Variants in ECT2L observed in about 807,000 individuals in gnomAD.
The protein encoded by ECT2L is epithelial cell transforming 2 like, also known as epithelial cell-transforming sequence 2 oncogene-like.
A neutral mutation model predicts 122.8 loss-of-function variants in ECT2L; 126 were observed. That is an observed-to-expected ratio of 1.03 (90% CI 0.89 to 1.19). The LOEUF (loss-of-function observed/expected upper bound fraction) is 1.19, where lower values mean the gene tolerates loss of function less well. ECT2L is among the 50% of genes most tolerant of loss of function. The probability of loss-of-function intolerance (pLI) is 0.00; values close to 1 mark genes in which losing one functional copy is unlikely to be tolerated. For missense variants in ECT2L, 1,012 were observed against 1,064.1 expected (o/e 0.95, Z 0.68); for synonymous variants, 385 against 381.8 (o/e 1.01, Z -0.10).
At chr6:138,887,212 T>C (rs1778857053) in intron 19 of ECT2L, among the ~76,000 whole-genome samples, 1 of 99,524 alleles carries the variant, frequency 1.0e-5, no homozygotes, top group South Asian at 2.5e-4. Flanking sequence ...TGTGTTCTAC[T>C]TGTTTTCTTT....
chr6:138,864,657 T>C (rs1039757097), intron 11 of ECT2L, among the ~76,000 whole-genome samples: 1 of 152,226 alleles, frequency 6.6e-6, no homozygotes, highest in Admixed American at 6.5e-5. Context: ...TTTTCACTTT[T>C]AGACTGGAAA....
intron 4 of ECT2L, among the ~76,000 whole-genome samples, chr6:138,828,010 G>A (rs1247372186): frequency 6.6e-6 from 1 of 151,778 alleles, no homozygotes; most frequent in Non-Finnish European, 1.5e-5. Flanking sequence ...GTATACATGC[G>A]CCATGTTGGT....
At chr6:138,842,195 A>T (rs1036166140) in intron 5 of ECT2L, among the ~76,000 whole-genome samples, 6 of 152,226 alleles carry the variant, frequency 3.9e-5, no homozygotes. Flanking sequence ...GCAGTGGCTT[A>T]CACCTGTAAT....
chr6:138,817,396 G>A (rs1776106029), intron 4 of ECT2L, among the ~76,000 whole-genome samples: 1 of 152,038 alleles, frequency 6.6e-6, no homozygotes, highest in South Asian at 2.1e-4. Context: ...CCCAATAACT[G>A]TAAATAAATT....
chr6:138,853,490 T>C (rs1777516122), intron 9 of ECT2L, among the ~76,000 whole-genome samples: 1 of 152,158 alleles, frequency 6.6e-6, no homozygotes, highest in Non-Finnish European at 1.5e-5. Context: ...TGTTTTCATT[T>C]CATCACCGGA....
intron 10 of ECT2L, among the ~76,000 whole-genome samples, chr6:138,857,609 C>T (rs1028958352): frequency 2.6e-5 from 4 of 152,162 alleles, no homozygotes; most frequent in East Asian, 1.9e-4. Context: ...TGCAGAGGAA[C>T]GCCCCTTCTT....
intron 13 of ECT2L, among the ~76,000 whole-genome samples, chr6:138,873,828 C>T (rs1778340730): frequency 6.6e-6 from 1 of 151,130 alleles, no homozygotes; most frequent in Non-Finnish European, 1.5e-5. Flanking sequence ...AACAAACCCT[C>T]CCAGAGAGGC....
intron 10 of ECT2L, among the ~76,000 whole-genome samples, chr6:138,861,503 T>C (rs1777830616): frequency 6.6e-6 from 1 of 152,228 alleles, no homozygotes; most frequent in South Asian, 2.1e-4. Flanking sequence ...TTTTTTCATG[T>C]GTTTGACGGC....
chr6:138,842,229 C>T (rs138306920), intron 5 of ECT2L, among the ~76,000 whole-genome samples: 149 of 149,686 alleles, frequency 1.0e-3, no homozygotes, highest in African/African-American at 3.3e-3. Context: ...GAGGCTGAAG[C>T]GGGAGGATCA....
At chr6:138,829,642 A>G (rs1776580489) in intron 4 of ECT2L, among the ~76,000 whole-genome samples, 1 of 152,222 alleles carries the variant, frequency 6.6e-6, no homozygotes. Context: ...GAAATCAGTT[A>G]AAAATAATTT....
At chr6:138,826,631 C>A (rs112200516) in intron 4 of ECT2L, among the ~76,000 whole-genome samples, 1 of 152,080 alleles carries the variant, frequency 6.6e-6, no homozygotes, top group South Asian at 2.1e-4. Flanking sequence ...TGCATTATAG[C>A]ACTCCAGCCT....
intron 4 of ECT2L, among the ~76,000 whole-genome samples, chr6:138,830,325 C>A (rs916160535): frequency 1.3e-5 from 2 of 152,156 alleles, no homozygotes; most frequent in Non-Finnish European, 2.9e-5. Flanking sequence ...AATCTTAGGC[C>A]TTGTGGGCCC....
rs546774611 is a variant in ECT2L at position 138,900,534 on chromosome 6, C to T, written c.2415-414C>T. ...TGCTAGGATTACAGGCGTGAGCCACCGCGCCCAGCCTTGTTATCCTTAAAG... is the reference window on the plus strand; with the variant it reads ...TGCTAGGATTACAGGCGTGAGCCACTGCGCCCAGCCTTGTTATCCTTAAAG... On this transcript the variant is annotated intron_variant, in intron 20 of 21. Transcript: ENST00000541398. Among the ~76,000 whole-genome samples, 28 of 152,270 alleles carry T rather than the reference C, an allele frequency of 1.8e-4. No homozygotes were observed. In the East Asian group the frequency reaches 5.4e-3, roughly 29 times the overall value.
chr6:138,813,004 T>C (rs1296323716), intron 2 of ECT2L, 27 bp downstream of exon 2: 1 of 321,952 alleles, frequency 3.1e-6, no homozygotes, highest in Admixed American at 4.7e-5. Context: ...TGCAATGATT[T>C]GAAGTTAATG....
chr6:138,840,145 G>C (rs1776986254), intron 5 of ECT2L, among the ~76,000 whole-genome samples: 1 of 151,942 alleles, frequency 6.6e-6, no homozygotes, highest in Non-Finnish European at 1.5e-5. Context: ...ACTATTAAGT[G>C]GAAATGGATC....
At chr6:138,893,678 T>C (rs1424276418) in intron 20 of ECT2L, among the ~76,000 whole-genome samples, 1 of 152,150 alleles carries the variant, frequency 6.6e-6, no homozygotes, top group Non-Finnish European at 1.5e-5. Context: ...TGCCTTGGCC[T>C]CCCGAAGTGC....
At chr6:138,872,548 G>A (rs186061234) in intron 13 of ECT2L, among the ~76,000 whole-genome samples, 2 of 152,280 alleles carry the variant, frequency 1.3e-5, no homozygotes, top group East Asian at 1.9e-4. Context: ...CATTATGCCA[G>A]CCACCATCTC....
intron 10 of ECT2L, among the ~76,000 whole-genome samples, chr6:138,860,390 A>C (rs1777782626): frequency 6.6e-6 from 1 of 151,904 alleles, no homozygotes; most frequent in African/African-American, 2.4e-5. Flanking sequence ...CATTCCTTAT[A>C]ACTACTATCC....
At chr6:138,892,854 C>T (rs1779078448) in intron 20 of ECT2L, among the ~76,000 whole-genome samples, 1 of 152,166 alleles carries the variant, frequency 6.6e-6, no homozygotes, top group Non-Finnish European at 1.5e-5. Flanking sequence ...AGGAACTAAA[C>T]AGGTCTTCAG....
Sources: gnomAD v4.1 joint callset for allele counts (sites outside exome capture counted in the v4.1 genomes callset) on GRCh38, gnomAD v4.1.1 for gene constraint, MANE v1.5 for transcripts, NCBI Gene and HGNC (gene_info 2026-07-23, HGNC 2026-07-21) for gene names.